EEF2KMT: variants seen among roughly 807,000 people sequenced by gnomAD.
EEF2KMT encodes protein-lysine N-methyltransferase EEF2KMT.
In EEF2KMT, 30 loss-of-function variants were observed where a neutral mutation model predicts 35.1. The observed-to-expected ratio is 0.85, with a 90% CI of 0.64 to 1.16. EEF2KMT has a LOEUF of 1.16. Ranked by LOEUF, EEF2KMT falls within the 50% of genes most tolerant of loss-of-function variation. The pLI is 0.00. For missense variants in EEF2KMT, 499 were observed against 438.2 expected (o/e 1.14, Z -1.24); for synonymous variants, 190 against 187.7 (o/e 1.01, Z -0.10).
At chr16:5,092,290 G>T (rs1957356669) in intron 3 of EEF2KMT, among the ~76,000 whole-genome samples, 2 of 152,180 alleles carry the variant, frequency 1.3e-5, no homozygotes. Context: ...AGAGAGCCGT[G>T]TTTGGATCAA....
chr16:5,095,069 G>C (rs1293990782), intron 2 of EEF2KMT, among the ~76,000 whole-genome samples: 2 of 152,154 alleles, frequency 1.3e-5, no homozygotes, highest in Non-Finnish European at 2.9e-5. Flanking sequence ...GCCCATTTAG[G>C]TCTAGAGGAG....
rs1309934989 is a variant in EEF2KMT at position 5,090,470 on chromosome 16, T to G, written c.438A>C (p.Ala146=). Residue 146 remains alanine, a synonymous_variant, in exon 5 of 8, where the codon GCA becomes GCC. Coordinates refer to ENST00000427587, the MANE Select transcript of EEF2KMT (RefSeq NM_201400.4). The surrounding 1 kb of genome is among the most constrained non-coding windows in gnomAD (Gnocchi z 4.1). ...LVTWDAALYL[A]EWAIENPAVF... ...CTGCCGGGTTCTCGATGGCCCATTC[T>G]GCAAGGTAGAGGGCGGCGTCCCATG... The G allele has an allele frequency of 6.2e-7, 1 of 1,611,846 alleles. No individual in the cohort carries two copies. Among genetic ancestry groups the G allele is most frequent in the Non-Finnish European group, 8.5e-7 (1 of 1,179,850 alleles).
chr16:5,093,690 CA>C (rs2142777110), intron 2 of EEF2KMT, 126 bp from the exon 3 acceptor site: 1 of 1,524,598 alleles, frequency 6.6e-7, no homozygotes, highest in Admixed American at 2.1e-5. Context: ...TAGATGGACA[CA>C]GCGTTTTGGC....
At chr16:5,089,982 G>A (rs1676464601) in intron 6 of EEF2KMT, 102 bp downstream of exon 6, 1 of 1,531,828 alleles carries the variant, frequency 6.5e-7, no homozygotes, top group Non-Finnish European at 8.7e-7. Flanking sequence ...GCCCCATCAT[G>A]TCCATGCCCG....
intron 2 of EEF2KMT, among the ~76,000 whole-genome samples, chr16:5,094,216 G>A (rs2142779441): frequency 6.6e-6 from 1 of 152,340 alleles, no homozygotes; most frequent in East Asian, 1.9e-4. Flanking sequence ...TTCTGCCCAA[G>A]GGCAGCAAAG....
chr16:5,097,432 C>G (rs1957495172), intron 1 of EEF2KMT: 10 of 1,415,168 alleles, frequency 7.1e-6, no homozygotes, highest in Non-Finnish European at 9.3e-6. Flanking sequence ...GTGGAGACGC[C>G]CCCAGCTTCC....
chr16:5,090,551 C>T lies in EEF2KMT; in HGVS notation c.357G>A (p.Ser119=), dbSNP rs150734847. The change falls in exon 5 of 8, where the codon TCG becomes TCA. Residue 119 remains serine, a synonymous_variant. Transcript: ENST00000427587. The surrounding 1 kb of genome is among the most constrained non-coding windows in gnomAD (Gnocchi z 4.1). ...TGGCCGTGCTCTCGGAGAGTGTGAC[C>T]GAGCCTCCCGAGGGCTGCACCAAGA... The part of the protein sequence containing the change: ...HRSYLLPSGG[S]VTLSESTAII... 42 of 1,611,796 alleles carry T rather than the reference C, an allele frequency of 2.6e-5. No homozygotes were observed. In the African/African-American group the frequency reaches 3.3e-4, roughly 13 times the overall value.
intron 3 of EEF2KMT, among the ~76,000 whole-genome samples, chr16:5,093,027 C>T (rs1391377613): frequency 1.3e-5 from 2 of 152,182 alleles, no homozygotes; most frequent in African/African-American, 2.4e-5. Context: ...CTCATTCCAG[C>T]AGGATTAATG....
chr16:5,094,194 G>A (rs1309398923), intron 2 of EEF2KMT, among the ~76,000 whole-genome samples: 1 of 152,210 alleles, frequency 6.6e-6, no homozygotes. Flanking sequence ...TGCTGGCTGG[G>A]AGGGATGCAG....
At chr16:5,097,218 G>C (rs532461820) in intron 1 of EEF2KMT, 647 of 1,128,922 alleles carry the variant, frequency 5.7e-4, no homozygotes, top group Middle Eastern at 7.6e-4. Context: ...ATACAGATGA[G>C]AATACTGAGG....
At chr16:5,092,544 G>T (rs1159418412) in intron 3 of EEF2KMT, among the ~76,000 whole-genome samples, 1 of 152,232 alleles carries the variant, frequency 6.6e-6, no homozygotes. Flanking sequence ...AGCAGGTATT[G>T]GAGAAGCAGG....
intron 1 of EEF2KMT, 148 bp downstream of exon 1, chr16:5,097,496 G>A: frequency 1.4e-6 from 2 of 1,439,066 alleles, no homozygotes; most frequent in Non-Finnish European, 1.8e-6. Flanking sequence ...AGGCCCCAGG[G>A]ACGGGGACCG....
Position 5,097,704 on chromosome 16 carries a change from C to G in EEF2KMT, c.36G>C (p.Leu12Phe), listed in dbSNP as rs1460756036. 1.3e-6 allele frequency: 2 copies of G among 1,579,894 alleles called. No homozygotes were observed. The highest frequency in any genetic ancestry group is 1.3e-5 in the African/African-American group (1 of 74,446). The change falls in exon 1 of 8, where the codon TTG (leucine) becomes TTC (phenylalanine). Residue 12 changes from leucine to phenylalanine, a missense_variant. Transcript: ENST00000427587. ...APEENAGTEL[L>F]LQSFERRFLA... is the part of the protein sequence containing the mutation. Reference sequence around the variant, plus strand: ...GGAAGCGGCGCTCGAAACTCTGCAGCAAGAGTTCGGTCCCCGCGTTCTCCT... The same window carrying G: ...GGAAGCGGCGCTCGAAACTCTGCAGGAAGAGTTCGGTCCCCGCGTTCTCCT...
chr16:5,089,011 C>A, intron 7 of EEF2KMT, 96 bp downstream of exon 7: 2 of 1,600,692 alleles, frequency 1.2e-6, no homozygotes, highest in Middle Eastern at 2.2e-4. Flanking sequence ...GTGGGGCAAC[C>A]TAGCTTTTCC....
chr16:5,087,484 G>C (rs1295747258), intron 7 of EEF2KMT: 1 of 152,276 alleles, frequency 6.6e-6, no homozygotes, highest in African/African-American at 2.4e-5. Flanking sequence ...AACCATGTGT[G>C]GGTGATTATT....
At position 5,085,850 on chromosome 16, in the gene EEF2KMT, T is replaced by G. The variant is rs538944992; in HGVS notation, c.893-118A>C. ...TAGGGGGGTGTCCAAGTCAGTTTAC[T>G]TGGTTCACAGGTTCCCAGGCCCACC... On this transcript the variant is annotated intron_variant, in intron 7 of 7. Transcript: ENST00000427587. 9.8e-4 allele frequency: 815 copies of G among 829,230 alleles called. 13 individuals carry two copies. The highest frequency in any genetic ancestry group is 9.8e-3 in the South Asian group (727 of 74,146). The allele number at this position is 829,230 out of a possible 1,614,324, so 51.4% of individuals were successfully genotyped here. A position where few individuals can be genotyped will look rare whatever the true frequency, so the allele number is the denominator to read the frequency against.
chr16:5,094,382 C>A (rs1454095571), intron 2 of EEF2KMT, among the ~76,000 whole-genome samples: 2 of 152,228 alleles, frequency 1.3e-5, no homozygotes, highest in Non-Finnish European at 1.5e-5. Flanking sequence ...CCTGCCTCAG[C>A]CTCCTGAGTA....
chr16:5,088,755 C>T (rs1957271423), intron 7 of EEF2KMT, among the ~76,000 whole-genome samples: 1 of 152,148 alleles, frequency 6.6e-6, no homozygotes, highest in African/African-American at 2.4e-5. Context: ...TGTGCTCCAG[C>T]GTCCTGCAGG....
At chr16:5,085,828 G>C (rs1957143520) in intron 7 of EEF2KMT, 96 bp from the exon 8 acceptor site, 1 of 974,144 alleles carries the variant, frequency 1.0e-6, no homozygotes, top group Non-Finnish European at 1.7e-6. Flanking sequence ...GGCGGGGTAG[G>C]GGGGTGTCCA....
Sources: gnomAD v4.1 joint callset for allele counts (sites outside exome capture counted in the v4.1 genomes callset) on GRCh38, gnomAD v4.1.1 for gene constraint, Gnocchi (gnomAD v3.1) non-coding constraint, MANE v1.5 for transcripts, NCBI Gene and HGNC (gene_info 2026-07-23, HGNC 2026-07-21) for gene names.